Variants in CREB5 observed in about 807,000 individuals in gnomAD.
The protein encoded by CREB5 is cAMP responsive element binding protein 5.
A neutral mutation model predicts 57.1 loss-of-function variants in CREB5; 19 were observed. That is an observed-to-expected ratio of 0.33 (90% confidence interval 0.23 to 0.49). The LOEUF (loss-of-function observed/expected upper bound fraction) is 0.49, where lower values mean the gene tolerates loss of function less well. CREB5 is among the 20% of genes least tolerant of loss of function. The pLI is 0.99. For synonymous variants in CREB5, 238 were observed against 238.3 expected (o/e 1.00, Z 0.01); for missense variants, 579 against 671.6 (o/e 0.86, Z 1.52).
intron 4 of CREB5, among the ~76,000 whole-genome samples, chr7:28,543,437 A>G (rs1336131004): frequency 1.3e-5 from 2 of 152,162 alleles, no homozygotes; most frequent in Non-Finnish European, 2.9e-5. Context: ...TGCAAATGAG[A>G]TTGTTTGCCC....
intron 1 of CREB5, among the ~76,000 whole-genome samples, chr7:28,344,916 G>A (rs111693606): frequency 2.0e-5 from 3 of 152,218 alleles, no homozygotes; most frequent in African/African-American, 7.2e-5. Flanking sequence ...GACACAGAAT[G>A]ACATTATTTA....
intron 5 of CREB5, among the ~76,000 whole-genome samples, chr7:28,687,679 C>T (rs186132307): frequency 6.6e-6 from 1 of 152,014 alleles, no homozygotes; most frequent in Admixed American, 6.6e-5. Flanking sequence ...GCATGCGGCA[C>T]ATACCAGAAA....
At chr7:28,673,086 A>G (rs1051035510) in intron 5 of CREB5, among the ~76,000 whole-genome samples, 2 of 152,272 alleles carry the variant, frequency 1.3e-5, no homozygotes, top group African/African-American at 4.8e-5. Context: ...CAGTGCCACT[A>G]CTGTTGAGCA....
At chr7:28,644,093 A>C (rs1562545721) in intron 5 of CREB5, among the ~76,000 whole-genome samples, 4 of 151,762 alleles carry the variant, frequency 2.6e-5, no homozygotes, top group African/African-American at 9.7e-5. Flanking sequence ...AAGAAAAGGA[A>C]GGAAGGGAGG....
chr7:28,352,511 T>C (rs1260249377), intron 1 of CREB5, among the ~76,000 whole-genome samples: 4 of 152,250 alleles, frequency 2.6e-5, no homozygotes, highest in Admixed American at 6.5e-5. Flanking sequence ...CCAGGATTGG[T>C]AAATTTATCA....
intron 1 of CREB5, among the ~76,000 whole-genome samples, chr7:28,341,995 C>T (rs1785946253): frequency 1.3e-5 from 2 of 152,152 alleles, no homozygotes; most frequent in African/African-American, 4.8e-5. Flanking sequence ...AAATCAGGAG[C>T]TCTTCTTAGT....
chr7:28,367,585 G>A (rs1012517053), intron 1 of CREB5, among the ~76,000 whole-genome samples: 13 of 152,284 alleles, frequency 8.5e-5, no homozygotes, highest in Middle Eastern at 3.4e-3. Flanking sequence ...CGAGGCGGGT[G>A]GATCACGAGG....
At chr7:28,744,385 G>C (rs1008142750) in intron 7 of CREB5, among the ~76,000 whole-genome samples, 1 of 67,472 alleles carries the variant, frequency 1.5e-5, no homozygotes, top group Non-Finnish European at 2.6e-5. Context: ...GTCTTGCTTT[G>C]TTACCAGGCT....
At chr7:28,430,741 T>G (rs1406949772) in intron 1 of CREB5, among the ~76,000 whole-genome samples, 2 of 152,216 alleles carry the variant, frequency 1.3e-5, no homozygotes, top group Non-Finnish European at 2.9e-5. Context: ...AGTTAGCTAT[T>G]GCTGTATGAC....
At chr7:28,796,038 G>A (rs1396541864) in intron 7 of CREB5, among the ~76,000 whole-genome samples, 2 of 152,018 alleles carry the variant, frequency 1.3e-5, no homozygotes, top group South Asian at 2.1e-4. Context: ...CAGGTGTGAG[G>A]CACTGCACTC....
chr7:28,347,988 G>A (rs1252292387), intron 1 of CREB5, among the ~76,000 whole-genome samples: 1 of 152,096 alleles, frequency 6.6e-6, no homozygotes. Flanking sequence ...AACTCATCCT[G>A]GAACCGGTGC....
chr7:28,372,186 A>G (rs777190156), intron 1 of CREB5, among the ~76,000 whole-genome samples: 12 of 152,206 alleles, frequency 7.9e-5, no homozygotes, highest in Non-Finnish European at 4.4e-5. Flanking sequence ...TTGATTGATG[A>G]TTTAAAGAGG....
chr7:28,406,468 T>G (rs983758), intron 1 of CREB5, among the ~76,000 whole-genome samples: 1,894 of 152,292 alleles, frequency 0.012, 28 homozygotes, highest in African/African-American at 0.043. Context: ...TCCTGTTCTG[T>G]GGAGGGAAAT....
intron 1 of CREB5, among the ~76,000 whole-genome samples, chr7:28,321,175 A>T (rs1785489339): frequency 6.6e-6 from 1 of 152,228 alleles, no homozygotes; most frequent in Admixed American, 6.5e-5. Context: ...GTGTTGTGAA[A>T]GTATTAGCTT....
intron 5 of CREB5, among the ~76,000 whole-genome samples, chr7:28,616,763 A>C (rs1797610766): frequency 1.4e-5 from 2 of 146,926 alleles, no homozygotes; most frequent in South Asian, 2.1e-4. Context: ...CAGCTTAAAC[A>C]GTTTATGATT....
intron 1 of CREB5, among the ~76,000 whole-genome samples, chr7:28,464,694 T>G (rs2128578078): frequency 7.1e-6 from 1 of 140,554 alleles, no homozygotes; most frequent in East Asian, 2.0e-4. Context: ...CATCTACTTT[T>G]GTTTCAAGTT....
At chr7:28,382,963 C>A (rs1445788341) in intron 1 of CREB5, among the ~76,000 whole-genome samples, 1 of 152,128 alleles carries the variant, frequency 6.6e-6, no homozygotes, top group African/African-American at 2.4e-5. Flanking sequence ...GAATAGGGAA[C>A]AAGGCTACAT....
At chr7:28,429,981 G>A (rs953956899) in intron 1 of CREB5, among the ~76,000 whole-genome samples, 1 of 152,200 alleles carries the variant, frequency 6.6e-6, no homozygotes, top group Non-Finnish European at 1.5e-5. Flanking sequence ...GGAAAGGATT[G>A]TTAGCTCACA....
intron 9 of CREB5, among the ~76,000 whole-genome samples, chr7:28,811,301 G>A (rs1485402208): frequency 1.3e-5 from 2 of 152,316 alleles, no homozygotes; most frequent in South Asian, 2.1e-4. Flanking sequence ...AGCCACCAGA[G>A]AAATGGCTGG....
Sources: allele counts gnomAD v4.1 joint callset (sites outside exome capture counted in the v4.1 genomes callset), GRCh38; gene constraint gnomAD v4.1.1; transcripts MANE v1.5; gene names NCBI Gene and HGNC (gene_info 2026-07-23, HGNC 2026-07-21).